Variants in TSPAN32 observed in about 807,000 individuals in gnomAD.
TSPAN32 encodes the protein tetraspanin-32.
TSPAN32 carries 47 observed loss-of-function variants against 42.7 expected under a neutral mutation model. That is an observed-to-expected ratio of 1.10 (90% confidence interval 0.87 to 1.40). The LOEUF is 1.40. TSPAN32 is among the 40% of genes most tolerant of loss of function. The pLI, the probability that TSPAN32 is intolerant of heterozygous loss-of-function variation, is 0.00. For synonymous variants in TSPAN32, 175 were observed against 175.9 expected (o/e 0.99, Z 0.04); for missense variants, 469 against 424.1 (o/e 1.11, Z -0.93).
intron 6 of TSPAN32, chr11:2,315,495 G>A: frequency 3.5e-6 from 4 of 1,153,150 alleles, no homozygotes; most frequent in Non-Finnish European, 4.3e-6. Flanking sequence ...CCCTTGGGAT[G>A]GCAGGGCCAT....
chr11:2,302,261 A>C, intron 1 of TSPAN32, 46 bp downstream of exon 1: 8 of 979,534 alleles, frequency 8.2e-6, no homozygotes, highest in Non-Finnish European at 9.6e-6. Flanking sequence ...GGGGGTGAGC[A>C]GGGGTGAGGG....
intron 6 of TSPAN32, chr11:2,315,579 GC>G: frequency 8.5e-7 from 1 of 1,176,964 alleles, no homozygotes; most frequent in South Asian, 1.6e-5. Flanking sequence ...ACCCAGATGG[GC>G]TGGCATGGGC....
Position 2,310,884 on chromosome 11 carries a change from C to T in TSPAN32, c.354+2074C>T, listed in dbSNP as rs538345207. Among the ~76,000 whole-genome samples the T allele has an allele frequency of 1.6e-4, 24 of 152,116 alleles. No individual in the cohort carries two copies. The East Asian group carries it at 2.1e-3, about 14-fold the overall frequency. The stretch of plus-strand genomic sequence containing the variant: ...GGGCCCGGGCCCTGAGCAGGAGGGG[C>T]GGCTGCACATCCCGTCTCCTGCCCT... On this transcript the variant is annotated intron_variant, in intron 4 of 9. Transcript: ENST00000182290.
rs1191463674 is a variant in TSPAN32 at position 2,313,742 on chromosome 11, C to T, written c.443C>T (p.Ala148Val). The T allele has an allele frequency of 6.3e-7, 1 of 1,598,762 alleles. No homozygotes were observed. The change falls in exon 5 of 10, where the codon GCC becomes GTC. Residue 148 changes from alanine to valine, a missense_variant. Transcript: ENST00000182290. This position sits in a 1 kb window ranked among gnomAD's most constrained non-coding sequence, Gnocchi z 9.1. Reference protein sequence around the residue: ...TSHVRRQELAAIQDVFLCCGK... With the variant: ...TSHVRRQELAVIQDVFLCCGK... ...CACGTCCGGCGGCAGGAGCTGGCGG[C>T]CATCCAGGACGTGGTGAGCGTGGGG...
At position 2,302,630 on chromosome 11, in the gene TSPAN32, G is replaced by A. The variant is rs548332967; in HGVS notation, c.67-214G>A. On this transcript the variant is annotated intron_variant, in intron 1 of 9. Coordinates refer to ENST00000182290, the MANE Select transcript of TSPAN32 (RefSeq NM_139022.3). ...GGGAAGCTGGGCTGTGCGTGTATGCGTCTACCATGTGGGGGTGCCTGTGAG... is the reference window on the plus strand; with the variant it reads ...GGGAAGCTGGGCTGTGCGTGTATGCATCTACCATGTGGGGGTGCCTGTGAG... 248 of 586,452 alleles carry A rather than the reference G, an allele frequency of 4.2e-4. 5 individuals are homozygous for A. In the South Asian group the frequency reaches 4.5e-3, roughly 11 times the overall value. 36.3% of individuals were successfully genotyped at this position (586,452 alleles called of 1,614,324 possible).
chr11:2,305,179 T>C (rs1589797116), intron 3 of TSPAN32, among the ~76,000 whole-genome samples: 4 of 152,242 alleles, frequency 2.6e-5, no homozygotes, highest in Admixed American at 1.3e-4. Context: ...AGTCACCTCC[T>C]GGAGCTGCTG....
At chr11:2,316,775 G>A in intron 8 of TSPAN32, 108 bp downstream of exon 8, 3 of 1,232,378 alleles carry the variant, frequency 2.4e-6, no homozygotes. Context: ...CCAAGCCCCA[G>A]GCTGACACTG....
At chr11:2,314,668 C>A in intron 6 of TSPAN32, 97 bp downstream of exon 6, 1 of 945,104 alleles carries the variant, frequency 1.1e-6, no homozygotes. Context: ...CCCACCCCAC[C>A]CCTTGGCCTC....
Position 2,304,660 on chromosome 11 carries a change from TC to T in TSPAN32, c.279+458del, listed in dbSNP as rs1438573699. On this transcript the variant is annotated intron_variant, in intron 3 of 9. Transcript: ENST00000182290. This position sits in a 1 kb window ranked among gnomAD's most constrained non-coding sequence, Gnocchi z 4.8. Reference sequence around the variant, plus strand: ...GGCTCAGGAAACGCCCCTTGAGCTCTCCAGCCTGGGCTCTCCGGAGCTGCAC... The same window carrying T: ...GGCTCAGGAAACGCCCCTTGAGCTCTCAGCCTGGGCTCTCCGGAGCTGCAC... Among the ~76,000 whole-genome samples the T allele has an allele frequency of 6.6e-6, 1 of 151,962 alleles. No individual in the cohort carries two copies. Among genetic ancestry groups the T allele is most frequent in the Non-Finnish European group, 1.5e-5 (1 of 67,960 alleles).
In TSPAN32 at chr11:2,313,871, G is replaced by A; in HGVS notation, c.456+116G>A. On this transcript the variant is annotated intron_variant, in intron 5 of 9. Transcript: ENST00000182290. This position sits in a 1 kb window ranked among gnomAD's most constrained non-coding sequence, Gnocchi z 9.1. ...TGGCCAGGCACCGAGGGGGTTCCAG[G>A]ACACAGGCCAGAGTTGCCCCTCAGG... 1 of 845,716 alleles carries A rather than the reference G, an allele frequency of 1.2e-6. No homozygotes were observed. The highest frequency in any genetic ancestry group is 1.9e-6 in the Non-Finnish European group (1 of 539,436). 52.4% of individuals were successfully genotyped at this position (845,716 alleles called of 1,614,324 possible). A position where few individuals can be genotyped will look rare whatever the true frequency, so the allele number is the denominator to read the frequency against.
chr11:2,309,535 C>T lies in TSPAN32; in HGVS notation c.354+725C>T, dbSNP rs373427976. 4.8e-5 allele frequency: 17 copies of T among 355,978 alleles called. No individual in the cohort carries two copies. In the East Asian group the frequency reaches 8.3e-4, roughly 17 times the overall value. The allele number at this position is 355,978 out of a possible 1,614,324, so 22.1% of individuals were successfully genotyped here. On this transcript the variant is annotated intron_variant, in intron 4 of 9. Transcript: ENST00000182290. ...GGTGAGAGCCCCCAGGGCAGCCGGG[C>T]GGCACCAGGGACAGCCACGGGCAGG... is the stretch of plus-strand genomic sequence containing the variant.
intron 6 of TSPAN32, chr11:2,315,265 C>A (rs1304958431): frequency 2.5e-6 from 3 of 1,197,700 alleles, no homozygotes; most frequent in African/African-American, 3.3e-5. Flanking sequence ...CCTGGCGACC[C>A]TCCAAGAAAC....
chr11:2,318,196 C>G lies in TSPAN32; in HGVS notation c.*272C>G, dbSNP rs1031171960. On this transcript the variant is annotated 3_prime_UTR_variant, in exon 10 of 10. Transcript: ENST00000182290. The surrounding 1 kb of genome is among the most constrained non-coding windows in gnomAD (Gnocchi z 4.2). ...TAAATACATTCACATTGTTGTGCAACCATCACCACCATCTATCTCCAGAAC... is the reference window on the plus strand; with the variant it reads ...TAAATACATTCACATTGTTGTGCAAGCATCACCACCATCTATCTCCAGAAC... The G allele has an allele frequency of 2.3e-6, 1 of 427,928 alleles. No homozygotes were observed. Among genetic ancestry groups the G allele is most frequent in the Non-Finnish European group, 4.1e-6 (1 of 241,844 alleles). The allele number at this position is 427,928 out of a possible 1,614,324, so 26.5% of individuals were successfully genotyped here. A position where few individuals can be genotyped will look rare whatever the true frequency, so the allele number is the denominator to read the frequency against.
At chr11:2,315,209 C>T (rs1182216428) in intron 6 of TSPAN32, 4 of 1,169,438 alleles carry the variant, frequency 3.4e-6, no homozygotes, top group East Asian at 8.8e-5. Flanking sequence ...GCTCCCCTCC[C>T]CTACTGTCCT....
intron 2 of TSPAN32, 134 bp downstream of exon 2, chr11:2,303,092 G>GCCCCT: frequency 2.6e-6 from 2 of 778,156 alleles, no homozygotes; most frequent in Non-Finnish European, 4.1e-6. Context: ...TCAGGGGCAG[G>GCCCCT]GAGGGGCTGC....
At chr11:2,312,005 CAGAGCCAGGCAGGGCAGGA>C (rs879940565) in intron 4 of TSPAN32, among the ~76,000 whole-genome samples, 13 of 151,456 alleles carry the variant, frequency 8.6e-5, no homozygotes, top group African/African-American at 1.9e-4. Context: ...AGCTGCTTGG[CAGAGCCAGGCAGGGCAGGA>C]AGAGCCAGGC....
Position 2,316,278 on chromosome 11 carries a change from C to T in TSPAN32, c.593C>T (p.Ala198Val), listed in dbSNP as rs756144294. Reference sequence around the variant, plus strand: ...TTCCTGAGGACACACCAGCAGGTCGCCTCCAGCCTGACCAGCATCGGCCTG... The same window carrying T: ...TTCCTGAGGACACACCAGCAGGTCGTCTCCAGCCTGACCAGCATCGGCCTG... ...RSFLRTHQQV[A>V]SSLTSIGLAL... The change falls in exon 7 of 10, where the codon GCC becomes GTC. Residue 198 changes from alanine (A) to valine (V), a missense_variant. Physicochemically the swap from Ala to Val is moderately conservative, Grantham distance 64. Transcript: ENST00000182290. The T allele has an allele frequency of 3.7e-6, 6 of 1,603,800 alleles. No individual in the cohort carries two copies. The Admixed American group carries it at 5.1e-5, about 14-fold the overall frequency.
At chr11:2,316,050 C>T in intron 6 of TSPAN32, 179 bp from the exon 7 acceptor site, 1 of 1,534,216 alleles carries the variant, frequency 6.5e-7, no homozygotes, top group Non-Finnish European at 8.7e-7. Flanking sequence ...TGGGCTTCAC[C>T]TGCTCGTGCT....
At chr11:2,303,300 G>A (rs545978979) in intron 2 of TSPAN32, 28 of 227,816 alleles carry the variant, frequency 1.2e-4, no homozygotes, top group African/African-American at 5.3e-4. Context: ...CTGGCCTGGG[G>A]CTGGGCACAG....
Sources: gnomAD v4.1 joint callset for allele counts (sites outside exome capture counted in the v4.1 genomes callset) on GRCh38, gnomAD v4.1.1 for gene constraint, Gnocchi (gnomAD v3.1) non-coding constraint, MANE v1.5 for transcripts, NCBI Gene and HGNC (gene_info 2026-07-23, HGNC 2026-07-21) for gene names.